RIMKLB: variants seen among roughly 807,000 people sequenced by gnomAD.
The protein encoded by RIMKLB is ribosomal modification protein rimK like family member B.
In RIMKLB, 7 loss-of-function variants were observed where a neutral mutation model predicts 32.0. That is an observed-to-expected ratio of 0.22 (90% confidence interval 0.12 to 0.41). The LOEUF (loss-of-function observed/expected upper bound fraction) is 0.41. RIMKLB is among the 10% of genes least tolerant of loss of function. The pLI is 1.00. For missense variants in RIMKLB, 289 were observed against 498.7 expected (o/e 0.58, Z 4.00); for synonymous variants, 172 against 185.1 (o/e 0.93, Z 0.57).
At chr12:8,699,242 A>G (rs1160841804) in intron 1 of RIMKLB, among the ~76,000 whole-genome samples, 1 of 152,184 alleles carries the variant, frequency 6.6e-6, no homozygotes, top group African/African-American at 2.4e-5. Context: ...TAGAAAGTAT[A>G]TGGGCAGCCT....
intron 2 of RIMKLB, among the ~76,000 whole-genome samples, chr12:8,728,216 T>A (rs1223170406): frequency 2.0e-5 from 3 of 152,242 alleles, no homozygotes; most frequent in Non-Finnish European, 4.4e-5. Flanking sequence ...CCACTCCTGC[T>A]ACATCTGTCT....
intron 2 of RIMKLB, among the ~76,000 whole-genome samples, chr12:8,743,463 G>C (rs1015963019): frequency 6.6e-6 from 1 of 151,252 alleles, no homozygotes; most frequent in Non-Finnish European, 1.5e-5. Flanking sequence ...CCATTTGTCT[G>C]TTCCTTGATT....
the RIMKLB span, among the ~76,000 whole-genome samples, chr12:8,671,423 A>G: frequency 2.0e-5 from 3 of 151,592 alleles, no homozygotes; most frequent in Admixed American, 1.3e-4. Context: ...ATAATTTTGT[A>G]TTTTTTAGTA....
At position 8,728,977 on chromosome 12, in the gene RIMKLB, C is replaced by T. The variant is rs367756574; in HGVS notation, c.175+14936C>T. Among the ~76,000 whole-genome samples, 59 of 152,202 alleles carry T rather than the reference C, an allele frequency of 3.9e-4. 2 individuals carry two copies. Among genetic ancestry groups the T allele is most frequent in the African/African-American group, 1.3e-3 (56 of 41,528 alleles). On this transcript the variant is annotated intron_variant, in intron 2 of 5. Transcript: ENST00000535829. Reference sequence around the variant, plus strand: ...GGGTGAACTCCACTCACTTACTGCTCCACCCCTCATGGGAGGGGGAGCACA... The same window carrying T: ...GGGTGAACTCCACTCACTTACTGCTTCACCCCTCATGGGAGGGGGAGCACA...
intron 1 of RIMKLB, among the ~76,000 whole-genome samples, chr12:8,707,876 C>G (rs191982549): frequency 6.6e-6 from 1 of 152,178 alleles, no homozygotes; most frequent in Admixed American, 6.5e-5. Context: ...ATTCAACTCC[C>G]GTGATTCCTA....
upstream of RIMKLB, among the ~76,000 whole-genome samples, chr12:8,696,118 G>C (rs775273167): frequency 5.3e-5 from 8 of 152,238 alleles, no homozygotes; most frequent in Non-Finnish European, 8.8e-5. Flanking sequence ...CCTTAAGAGT[G>C]GGACTGAAGG....
At chr12:8,727,215 T>C (rs1946099184) in intron 2 of RIMKLB, among the ~76,000 whole-genome samples, 1 of 152,114 alleles carries the variant, frequency 6.6e-6, no homozygotes, top group South Asian at 2.1e-4. Context: ...AAGTTGGCAC[T>C]TTGGTTTGTT....
At chr12:8,724,985 A>G (rs913463940) in intron 2 of RIMKLB, among the ~76,000 whole-genome samples, 1 of 152,148 alleles carries the variant, frequency 6.6e-6, no homozygotes, top group African/African-American at 2.4e-5. Context: ...TTTCCATGCT[A>G]CACCCAGGTA....
chr12:8,720,059 T>C (rs747033582), intron 2 of RIMKLB, among the ~76,000 whole-genome samples: 8 of 152,182 alleles, frequency 5.3e-5, no homozygotes, highest in Non-Finnish European at 7.3e-5. Context: ...CAAAGCAAGA[T>C]TGGTACTGAG....
chr12:8,766,344 T>A (rs1250254798), intron 5 of RIMKLB, among the ~76,000 whole-genome samples: 1 of 152,182 alleles, frequency 6.6e-6, no homozygotes, highest in African/African-American at 2.4e-5. Flanking sequence ...AGTGGTCCTT[T>A]ACCAGCGTGC....
intron 5 of RIMKLB, among the ~76,000 whole-genome samples, chr12:8,757,470 C>CAAAA (rs55670138): frequency 1.4e-5 from 1 of 71,412 alleles, no homozygotes; most frequent in African/African-American, 4.9e-5. Context: ...GACCCTGTCT[C>CAAAA]AAAAAAAAAA....
chr12:8,728,852 G>C (rs1019498827), intron 2 of RIMKLB, among the ~76,000 whole-genome samples: 1 of 151,854 alleles, frequency 6.6e-6, no homozygotes, highest in African/African-American at 2.4e-5. Context: ...GCCCAGGCTG[G>C]TCTTGAACTT....
chr12:8,729,851 A>G (rs758453134), intron 2 of RIMKLB, among the ~76,000 whole-genome samples: 6 of 152,264 alleles, frequency 3.9e-5, no homozygotes, highest in Non-Finnish European at 8.8e-5. Flanking sequence ...AACTTTCCAC[A>G]TCTTTGTCAA....
chr12:8,743,590 T>C (rs1294344127), intron 2 of RIMKLB, among the ~76,000 whole-genome samples: 3 of 151,684 alleles, frequency 2.0e-5, no homozygotes, highest in Non-Finnish European at 4.4e-5. Context: ...CAGAAGTTTA[T>C]GGTAGGTCAT....
chr12:8,777,197 T>C, downstream of RIMKLB: 3 of 966,800 alleles, frequency 3.1e-6, no homozygotes, highest in Non-Finnish European at 3.7e-6. Flanking sequence ...CCAGGTTCAC[T>C]GACTGCTTGC....
At chr12:8,759,821 AG>A (rs1282145068) in intron 5 of RIMKLB, among the ~76,000 whole-genome samples, 1 of 152,220 alleles carries the variant, frequency 6.6e-6, no homozygotes, top group African/African-American at 2.4e-5. Flanking sequence ...CCACTGAAAT[AG>A]GTTTAGTGTT....
chr12:8,697,434 G>C (rs1490841930), upstream of RIMKLB: 5 of 153,096 alleles, frequency 3.3e-5, no homozygotes, highest in East Asian at 9.7e-4. Flanking sequence ...GGCGGGAGGC[G>C]TCGGGATGCC....
intron 2 of RIMKLB, among the ~76,000 whole-genome samples, chr12:8,748,670 G>A (rs188943710): frequency 2.0e-5 from 3 of 151,400 alleles, no homozygotes; most frequent in South Asian, 2.1e-4. Flanking sequence ...CGGGGCGGCC[G>A]TGGTGGCTCA....
At chr12:8,707,726 G>A (rs1263661762) in intron 1 of RIMKLB, among the ~76,000 whole-genome samples, 1 of 152,178 alleles carries the variant, frequency 6.6e-6, no homozygotes, top group Non-Finnish European at 1.5e-5. Context: ...TCAATTATTA[G>A]CATACAGAAA....
Sources: gnomAD v4.1 joint callset for allele counts (sites outside exome capture counted in the v4.1 genomes callset) on GRCh38, gnomAD v4.1.1 for gene constraint, MANE v1.5 for transcripts, NCBI Gene and HGNC (gene_info 2026-07-23, HGNC 2026-07-21) for gene names.